The following DAB1 variants were observed in gnomAD, a reference collection of about 807,000 sequenced individuals.
DAB1 encodes the protein disabled homolog 1.
Under a neutral mutation model 64.6 loss-of-function variants are expected in DAB1, and 15 were observed. The observed-to-expected ratio is 0.23, with a 90% CI of 0.16 to 0.36. The LOEUF (loss-of-function observed/expected upper bound fraction) is 0.36. DAB1 is among the 10% of genes least tolerant of loss of function. The probability of loss-of-function intolerance (pLI) is 1.00; values close to 1 mark genes in which losing one functional copy is unlikely to be tolerated. For synonymous variants in DAB1, 235 were observed against 251.9 expected, an observed-to-expected ratio of 0.93 and a Z score of 0.64; for missense variants, 596 against 706.7, an observed-to-expected ratio of 0.84 and a Z score of 1.78.
chr1:57,329,344 A>C (rs1278706435), intron 1 of DAB1, among the ~76,000 whole-genome samples: 1 of 152,252 alleles, frequency 6.6e-6, no homozygotes, highest in East Asian at 1.9e-4. Flanking sequence ...GACATGAGCT[A>C]AATGGACACA....
At chr1:58,023,714 C>T (rs960632150) in intron 5 of DAB1, among the ~76,000 whole-genome samples, 4 of 152,126 alleles carry the variant, frequency 2.6e-5, no homozygotes, top group African/African-American at 7.2e-5. Flanking sequence ...AGATAAACAA[C>T]GATATATTAA....
chr1:57,941,987 A>G (rs1443608693), intron 5 of DAB1, among the ~76,000 whole-genome samples: 1 of 152,206 alleles, frequency 6.6e-6, no homozygotes, highest in Admixed American at 6.5e-5. Flanking sequence ...CAGTTTTTTC[A>G]TCTGTAAAAT....
chr1:57,957,088 A>T (rs4412616), intron 5 of DAB1, among the ~76,000 whole-genome samples: 7 of 152,172 alleles, frequency 4.6e-5, no homozygotes, highest in Admixed American at 2.6e-4. Flanking sequence ...AAATTTTGAA[A>T]GGAGGAGCAT....
intron 3 of DAB1, among the ~76,000 whole-genome samples, chr1:58,500,734 A>G (rs1645893101): frequency 6.6e-6 from 1 of 152,208 alleles, no homozygotes. Context: ...TATACATTCT[A>G]TCATTCTCCA....
intron 7 of DAB1, among the ~76,000 whole-genome samples, chr1:57,639,906 T>C (rs1390392302): frequency 6.6e-6 from 1 of 152,162 alleles, no homozygotes; most frequent in East Asian, 1.9e-4. Flanking sequence ...AAAATTGTAA[T>C]ATTCATCCTT....
At chr1:58,240,656 G>C (rs973716392) in intron 4 of DAB1, among the ~76,000 whole-genome samples, 1 of 152,114 alleles carries the variant, frequency 6.6e-6, no homozygotes, top group African/African-American at 2.4e-5. Flanking sequence ...CCAGAATATA[G>C]TTGTAAACAA....
intron 4 of DAB1, among the ~76,000 whole-genome samples, chr1:57,083,180 A>G (rs535979447): frequency 2.6e-5 from 4 of 152,150 alleles, no homozygotes; most frequent in East Asian, 1.9e-4. Context: ...CTACTTTACT[A>G]TGGAGGTACC....
intron 7 of DAB1, among the ~76,000 whole-genome samples, chr1:57,639,735 T>G (rs893662699): frequency 2.6e-5 from 4 of 152,154 alleles, no homozygotes; most frequent in African/African-American, 9.7e-5. Flanking sequence ...ACAAGGTCGC[T>G]GCCCTCAGGG....
intron 7 of DAB1, among the ~76,000 whole-genome samples, chr1:57,600,225 G>A (rs969419561): frequency 6.6e-6 from 1 of 152,124 alleles, no homozygotes; most frequent in Non-Finnish European, 1.5e-5. Flanking sequence ...TACATCTGGG[G>A]TCTTGTTCAC....
At chr1:58,446,052 G>A (rs1645062472) in intron 3 of DAB1, among the ~76,000 whole-genome samples, 1 of 152,142 alleles carries the variant, frequency 6.6e-6, no homozygotes, top group African/African-American at 2.4e-5. Flanking sequence ...CCCGGTCCCG[G>A]ACAACCAGCA....
At chr1:58,040,632 G>A (rs1011614734) in intron 5 of DAB1, among the ~76,000 whole-genome samples, 8 of 152,098 alleles carry the variant, frequency 5.3e-5, no homozygotes, top group African/African-American at 1.5e-4. Flanking sequence ...AGTTTCCTGC[G>A]GATTGAGAAC....
At chr1:58,415,024 C>T (rs892448358) in intron 3 of DAB1, among the ~76,000 whole-genome samples, 3 of 152,096 alleles carry the variant, frequency 2.0e-5, no homozygotes, top group African/African-American at 7.2e-5. Context: ...CTGTTGAAGC[C>T]TTAACCCCTA....
At chr1:57,230,450 G>T (rs531007953) in intron 2 of DAB1, among the ~76,000 whole-genome samples, 1 of 152,064 alleles carries the variant, frequency 6.6e-6, no homozygotes, top group South Asian at 2.1e-4. Flanking sequence ...AAATTAAGTG[G>T]TTATATAGTA....
At chr1:57,337,456 T>C (rs1361588867) in intron 1 of DAB1, among the ~76,000 whole-genome samples, 1 of 152,170 alleles carries the variant, frequency 6.6e-6, no homozygotes, top group Non-Finnish European at 1.5e-5. Flanking sequence ...TCCTGCAGCC[T>C]CCTTGGAGCC....
chr1:58,178,482 C>G (rs375391413), intron 4 of DAB1, among the ~76,000 whole-genome samples: 2 of 152,046 alleles, frequency 1.3e-5, no homozygotes, highest in East Asian at 3.9e-4. Context: ...TCAGCAGATG[C>G]AGAAGGGCCT....
At chr1:57,897,215 C>A (rs1438845668) in intron 5 of DAB1, among the ~76,000 whole-genome samples, 1 of 152,158 alleles carries the variant, frequency 6.6e-6, no homozygotes, top group Non-Finnish European at 1.5e-5. Context: ...TATATTTTCA[C>A]CTTCAGAAAG....
At chr1:58,533,869 G>GA in intron 1 of DAB1, 4 of 782,024 alleles carry the variant, frequency 5.1e-6, no homozygotes, top group South Asian at 1.4e-5. Context: ...TAAAAAACCT[G>GA]AAAAAAATCA....
intron 5 of DAB1, among the ~76,000 whole-genome samples, chr1:58,020,649 C>T (rs990031556): frequency 2.0e-5 from 3 of 152,152 alleles, no homozygotes; most frequent in Non-Finnish European, 2.9e-5. Context: ...TGGCCTGATA[C>T]GCAGAGCTGA....
At chr1:57,289,594 G>A (rs891673841) in intron 2 of DAB1, among the ~76,000 whole-genome samples, 9 of 152,190 alleles carry the variant, frequency 5.9e-5, no homozygotes, top group African/African-American at 2.2e-4. Flanking sequence ...CTGGGCTTCT[G>A]GCTGTCAAAG....
Sources: gnomAD v4.1 joint callset for allele counts (sites outside exome capture counted in the v4.1 genomes callset) on GRCh38, gnomAD v4.1.1 for gene constraint, MANE v1.5 for transcripts, NCBI Gene and HGNC (gene_info 2026-07-23, HGNC 2026-07-21) for gene names.